TRIO: variants seen among roughly 807,000 people sequenced by gnomAD.
TRIO encodes the protein triple functional domain protein.
A neutral mutation model predicts 351.9 loss-of-function variants in TRIO; 58 were observed. The observed-to-expected ratio is 0.16, with a 90% CI of 0.13 to 0.21. TRIO has a LOEUF of 0.21. TRIO is among the 10% of genes least tolerant of loss of function. TRIO has a pLI of 1.00. For synonymous variants in TRIO, 1,758 were observed against 1,595.7 expected (o/e 1.10, Z -2.42); for missense variants, 3,201 against 4,027.8 (o/e 0.79, Z 5.56).
intron 34 of TRIO, among the ~76,000 whole-genome samples, chr5:14,458,540 A>G (rs1362063950): frequency 6.6e-6 from 1 of 152,198 alleles, no homozygotes; most frequent in Non-Finnish European, 1.5e-5. Flanking sequence ...TTGTGATCCA[A>G]ATACCACTGT....
chr5:14,210,319 C>T (rs1190185476), intron 1 of TRIO, among the ~76,000 whole-genome samples: 2 of 152,220 alleles, frequency 1.3e-5, no homozygotes, highest in Non-Finnish European at 2.9e-5. Context: ...TCTGAGGCCA[C>T]CAAGGTAATT....
chr5:14,219,510 G>A lies in TRIO; in HGVS notation c.158-51315G>A, dbSNP rs139788215. Among the ~76,000 whole-genome samples, 3 of 152,346 alleles carry A rather than the reference G, an allele frequency of 2.0e-5. No homozygotes were observed. In the East Asian group the frequency reaches 5.8e-4, roughly 29 times the overall value. On this transcript the variant is annotated intron_variant, in intron 1 of 56. Transcript: ENST00000344204. Reference sequence around the variant, plus strand: ...GATGGCTCTATCAAAGCCTTAGGCTGTTTCTGGCCGGAGTCATAGGGGACC... The same window carrying A: ...GATGGCTCTATCAAAGCCTTAGGCTATTTCTGGCCGGAGTCATAGGGGACC...
intron 11 of TRIO, among the ~76,000 whole-genome samples, chr5:14,348,513 G>T (rs914105571): frequency 7.9e-5 from 12 of 152,280 alleles, no homozygotes; most frequent in African/African-American, 2.4e-5. Flanking sequence ...GCACATGCAC[G>T]TGAGGATGTG....
intron 1 of TRIO, among the ~76,000 whole-genome samples, chr5:14,149,574 C>CG (rs1304544651): frequency 1.3e-5 from 2 of 151,990 alleles, no homozygotes; most frequent in Non-Finnish European, 2.9e-5. Context: ...AGGCTACGAG[C>CG]GGGGGGCAGA....
intron 1 of TRIO, among the ~76,000 whole-genome samples, chr5:14,244,906 G>C (rs1447290725): frequency 6.6e-6 from 1 of 152,176 alleles, no homozygotes; most frequent in Non-Finnish European, 1.5e-5. Context: ...AGAGGGGGTG[G>C]GCTGCAAGGG....
intron 34 of TRIO, among the ~76,000 whole-genome samples, chr5:14,458,792 A>G (rs571410535): frequency 6.6e-6 from 1 of 152,350 alleles, no homozygotes; most frequent in East Asian, 1.9e-4. Context: ...TCCTGAGGCT[A>G]GGAACTGTGT....
chr5:14,204,355 C>G (rs1791329570), intron 1 of TRIO, among the ~76,000 whole-genome samples: 1 of 152,104 alleles, frequency 6.6e-6, no homozygotes, highest in South Asian at 2.1e-4. Flanking sequence ...GAGTTCTTTT[C>G]CTTGGTCGAT....
At chr5:14,417,240 G>C (rs183396106) in intron 33 of TRIO, among the ~76,000 whole-genome samples, 26 of 152,344 alleles carry the variant, frequency 1.7e-4, no homozygotes, top group Non-Finnish European at 7.3e-5. Flanking sequence ...AGATTGAGAA[G>C]GGGATTTATG....
chr5:14,385,028 C>T (rs530841213), intron 21 of TRIO, among the ~76,000 whole-genome samples: 6 of 152,310 alleles, frequency 3.9e-5, no homozygotes, highest in South Asian at 4.1e-4. Flanking sequence ...ATAAGAAAAG[C>T]GTACATCAAA....
intron 1 of TRIO, among the ~76,000 whole-genome samples, chr5:14,212,399 C>T (rs1479785631): frequency 1.3e-5 from 2 of 152,160 alleles, no homozygotes; most frequent in African/African-American, 2.4e-5. Flanking sequence ...CTTCGGGGAA[C>T]TCCAGCCAAC....
Position 14,492,812 on chromosome 5 carries a change from CAAGT to C in TRIO, c.7879_7880+2del. On this transcript the variant is annotated splice_donor_variant and coding_sequence_variant, in exon 49 of 57. Coordinates refer to ENST00000344204, the MANE Select transcript of TRIO (RefSeq NM_007118.4). LOFTEE classifies it high-confidence loss of function. ...TCGTGGAGAACCCGGACGGGACTCT[CAAGT>C]GAGTGCTTGACAGTAACGGCGTCCT... 6.2e-7 allele frequency: 1 copy of C among 1,613,124 alleles called. No homozygotes were observed.
intron 34 of TRIO, among the ~76,000 whole-genome samples, chr5:14,429,109 T>A (rs1006310092): frequency 6.6e-6 from 1 of 152,218 alleles, no homozygotes; most frequent in Non-Finnish European, 1.5e-5. Context: ...GGGTAAGAGA[T>A]GGTTTAAAAG....
chr5:14,316,557 C>G lies in TRIO; in HGVS notation c.1545C>G (p.Pro515=). ...GKSLLDKLQR[P]LTPGSSDSLT... ...CGCTCCTTGACAAGCTCCAGCGGCCCTTGACTCCCGGCAGCTCCGATTCCC... is the reference window on the plus strand; with the variant it reads ...CGCTCCTTGACAAGCTCCAGCGGCCGTTGACTCCCGGCAGCTCCGATTCCC... The change falls in exon 9 of 57, where the codon CCC becomes CCG. Residue 515 remains proline (P), a synonymous_variant. Coordinates refer to ENST00000344204, the MANE Select transcript of TRIO (RefSeq NM_007118.4). 3 of 1,614,214 alleles carry G rather than the reference C, an allele frequency of 1.9e-6. No individual in the cohort carries two copies. The highest frequency in any genetic ancestry group is 2.5e-6 in the Non-Finnish European group (3 of 1,180,032).
At chr5:14,328,817 G>C (rs147306681) in intron 9 of TRIO, among the ~76,000 whole-genome samples, 10 of 152,150 alleles carry the variant, frequency 6.6e-5, no homozygotes, top group Non-Finnish European at 1.5e-4. Context: ...CTCTGTATAG[G>C]GGGGCTGGAA....
rs544779995 is a variant in TRIO at position 14,424,168 on chromosome 5, C to T, written c.5203+4147C>T. 2.0e-5 allele frequency among the ~76,000 whole-genome samples: 3 copies of T among 152,050 alleles called. 1 individual carries two copies. Among genetic ancestry groups the T allele is most frequent in the African/African-American group, 4.8e-5 (2 of 41,454 alleles). On this transcript the variant is annotated intron_variant, in intron 34 of 56. Coordinates refer to ENST00000344204, the MANE Select transcript of TRIO (RefSeq NM_007118.4). The stretch of plus-strand genomic sequence containing the variant: ...GTCAGGAGGCCTGAGATGGGGCGGG[C>T]GCAGGAGGCCTCCCAGGGTCTTGCC...
intron 20 of TRIO, among the ~76,000 whole-genome samples, chr5:14,380,346 G>GC (rs1287120847): frequency 1.5e-4 from 23 of 148,724 alleles, no homozygotes; most frequent in African/African-American, 5.3e-4. Context: ...TTCGCTCCTC[G>GC]CTCCTCGCTC....
At chr5:14,233,434 G>T (rs1793581990) in intron 1 of TRIO, among the ~76,000 whole-genome samples, 1 of 151,762 alleles carries the variant, frequency 6.6e-6, no homozygotes, top group African/African-American at 2.4e-5. Context: ...AGGTTGCAGT[G>T]AGCTAATATG....
intron 25 of TRIO, 119 bp from the exon 26 acceptor site, chr5:14,390,112 A>C: frequency 1.2e-6 from 1 of 827,276 alleles, no homozygotes; most frequent in Non-Finnish European, 1.9e-6. Flanking sequence ...TACCCTAGTT[A>C]AGAGCTACAT....
intron 1 of TRIO, among the ~76,000 whole-genome samples, chr5:14,219,966 G>A (rs1489853227): frequency 7.3e-6 from 1 of 136,864 alleles, no homozygotes; most frequent in African/African-American, 2.6e-5. Context: ...AAGTGTTCAT[G>A]TACAGGCATT....
Sources: allele counts gnomAD v4.1 joint callset (sites outside exome capture counted in the v4.1 genomes callset), GRCh38; gene constraint gnomAD v4.1.1; transcripts MANE v1.5; gene names NCBI Gene and HGNC (gene_info 2026-07-23, HGNC 2026-07-21).